The following APTX variants were observed in gnomAD, a reference collection of about 807,000 sequenced individuals.
APTX encodes the protein forkhead-associated domain histidine triad-like protein.
In APTX, 33 loss-of-function variants were observed where a neutral mutation model predicts 42.3. That is an observed-to-expected ratio of 0.78 (90% confidence interval 0.59 to 1.04). APTX has a LOEUF of 1.04. Ranked by LOEUF, APTX falls within the 50% of genes least tolerant of loss-of-function variation. APTX has a pLI of 0.00. For synonymous variants in APTX, 130 were observed against 146.7 expected, an observed-to-expected ratio of 0.89 and a Z score of 0.82; for missense variants, 421 against 415.1, an observed-to-expected ratio of 1.01 and a Z score of -0.12.
chr9:32,989,739 A>G lies in APTX; in HGVS notation c.133+20T>C. On this transcript the variant is annotated intron_variant, in intron 2 of 7. Coordinates refer to ENST00000379817, the MANE Select transcript of APTX (RefSeq NM_001195248.2). Reference sequence around the variant, plus strand: ...ATCCCACATAACCATAGTAATCTCCACATTTCTATGACCAGTTACCTTGCT... The same window carrying G: ...ATCCCACATAACCATAGTAATCTCCGCATTTCTATGACCAGTTACCTTGCT... The G allele has an allele frequency of 6.2e-7, 1 of 1,614,164 alleles. No individual in the cohort carries two copies. Among genetic ancestry groups the G allele is most frequent in the Non-Finnish European group, 8.5e-7 (1 of 1,180,012 alleles).
At chr9:32,986,336 C>T (rs1239730848) in intron 4 of APTX, among the ~76,000 whole-genome samples, 1 of 152,122 alleles carries the variant, frequency 6.6e-6, no homozygotes, top group Non-Finnish European at 1.5e-5. Context: ...GCTGGGATTA[C>T]AGGTGCCCAC....
rs763987865 is a variant in APTX, at chr9:32,974,559, T to C, written c.773A>G (p.His258Arg). 15 of 1,564,056 alleles carry C rather than the reference T, an allele frequency of 9.6e-6. No individual in the cohort carries two copies. Among genetic ancestry groups the C allele is most frequent in the Middle Eastern group, 1.7e-4 (1 of 5,932 alleles). ...CTGGCTGATCACATGAAGATGTACA[T>C]GGCTAGTTGAAAGAAAAAAAAACTG... Reference protein sequence around the residue: ...LGYHAIPSMSHVHLHVISQDF... With the variant: ...LGYHAIPSMSRVHLHVISQDF... The change falls in exon 7 of 8, where the codon CAT becomes CGT. Residue 258 changes from histidine (H) to arginine (R), a missense_variant and splice_region_variant. Transcript: ENST00000379817.
intron 1 of APTX, among the ~76,000 whole-genome samples, chr9:33,017,041 A>G (rs112926520): frequency 3.3e-5 from 5 of 152,364 alleles, no homozygotes; most frequent in African/African-American, 9.6e-5. Context: ...TCCTCTATTC[A>G]TAATACTTTG....
rs397840451 is a variant in APTX, at chr9:33,024,866, G to A, written c.-5+157C>T. The A allele has an allele frequency of 4.6e-5, 4 of 86,996 alleles. No homozygotes were observed. The East Asian group carries it at 1.5e-3, about 32-fold the overall frequency. The allele number at this position is 86,996 out of a possible 1,614,324, so 5.4% of individuals were successfully genotyped here. On this transcript the variant is annotated intron_variant, in intron 1 of 6. Transcript: ENST00000436040. ...AGAGAAGAGGCGCCCGTAAGAGGGG[G>A]GGGGGGGGGGGCAAGACTGTTCCAA...
chr9:32,984,757 G>C lies in APTX; in HGVS notation c.644C>G (p.Ala215Gly). 1 of 1,614,192 alleles carries C rather than the reference G, an allele frequency of 6.2e-7. No individual in the cohort carries two copies. Among genetic ancestry groups the C allele is most frequent in the Non-Finnish European group, 8.5e-7 (1 of 1,180,044 alleles). ...GAGTTCAAGGTGTTCCCTGGCCACA[G>C]CCTTCAGACTGGAAATGGAGGTCCA... The part of the protein sequence containing the change: ...LPWTSISSLK[A>G]VAREHLELLK... Residue 215 changes from alanine to glycine, a missense_variant, in exon 6 of 8, where the codon GCT (alanine) becomes GGT (glycine). By Grantham distance (60) the Ala-to-Gly change is moderately conservative. Transcript: ENST00000379817.
At chr9:32,993,478 G>A (rs537841162) in intron 1 of APTX, among the ~76,000 whole-genome samples, 1 of 152,230 alleles carries the variant, frequency 6.6e-6, no homozygotes, top group African/African-American at 2.4e-5. Context: ...TATATCTGTA[G>A]CACCTAATCT....
chr9:33,000,761 A>C (rs1836169272), intron 1 of APTX, among the ~76,000 whole-genome samples: 1 of 151,380 alleles, frequency 6.6e-6, no homozygotes, highest in African/African-American at 2.4e-5. Context: ...AACCTAGATC[A>C]CAGCAATTCC....
At chr9:32,999,470 G>A (rs1835750548) in intron 1 of APTX, among the ~76,000 whole-genome samples, 1 of 152,200 alleles carries the variant, frequency 6.6e-6, no homozygotes. Flanking sequence ...TACACGACTG[G>A]AAACAGAAAT....
At chr9:33,013,565 G>A (rs1369807896) in intron 1 of APTX, among the ~76,000 whole-genome samples, 1 of 152,204 alleles carries the variant, frequency 6.6e-6, no homozygotes. Context: ...CCAGCACTTT[G>A]GGAGGCCAAG....
intron 4 of APTX, 40 bp from the exon 5 acceptor site, chr9:32,986,070 ACAAGCAATGTAAATT>A: frequency 6.9e-7 from 1 of 1,438,952 alleles, no homozygotes; most frequent in Non-Finnish European, 9.6e-7. Context: ...AAAAAAAAAA[ACAAGCAATGTAAATT>A]ACAAATGCCA....
chr9:32,992,101 C>A (rs957100566), intron 1 of APTX, among the ~76,000 whole-genome samples: 3 of 152,118 alleles, frequency 2.0e-5, no homozygotes, highest in African/African-American at 7.2e-5. Flanking sequence ...GAATTATGGG[C>A]AGAGAGAGAT....
At chr9:33,016,678 C>A (rs374689319) in intron 1 of APTX, among the ~76,000 whole-genome samples, 2 of 151,320 alleles carry the variant, frequency 1.3e-5, no homozygotes, top group African/African-American at 2.4e-5. Context: ...CTCCCCCCCC[C>A]ATTTTTTTAG....
chr9:32,995,843 G>A (rs566020841), intron 1 of APTX, among the ~76,000 whole-genome samples: 9 of 150,056 alleles, frequency 6.0e-5, no homozygotes, highest in South Asian at 4.2e-4. Context: ...AACCGAGATC[G>A]CGCCACTGCA....
chr9:33,017,574 G>T (rs1354325101), intron 1 of APTX, among the ~76,000 whole-genome samples: 3 of 152,144 alleles, frequency 2.0e-5, no homozygotes. Flanking sequence ...TATGAATTCT[G>T]ATAGGACACA....
intron 1 of APTX, among the ~76,000 whole-genome samples, chr9:33,010,775 A>G (rs1488946956): frequency 6.6e-6 from 1 of 152,242 alleles, no homozygotes; most frequent in East Asian, 1.9e-4. Context: ...TGGGTGAGGC[A>G]GATCATAAGA....
upstream of APTX, chr9:33,001,678 C>T (rs1836588703): frequency 3.2e-6 from 5 of 1,581,562 alleles, no homozygotes; most frequent in Admixed American, 3.5e-5. Context: ...ACGTCACCAG[C>T]ACCTCTCTAA....
intron 6 of APTX, among the ~76,000 whole-genome samples, chr9:32,976,852 T>C (rs1004898103): frequency 1.3e-5 from 2 of 152,222 alleles, no homozygotes; most frequent in Admixed American, 6.5e-5. Flanking sequence ...CAGTTACAGA[T>C]GCAAAATAAC....
upstream of APTX, among the ~76,000 whole-genome samples, chr9:33,005,832 G>A (rs981286133): frequency 3.3e-5 from 5 of 152,120 alleles, no homozygotes; most frequent in African/African-American, 1.2e-4. Flanking sequence ...TGAAAAGACT[G>A]CCCTTTCCTC....
chr9:33,019,903 A>G, intron 1 of APTX: 10 of 564,306 alleles, frequency 1.8e-5, no homozygotes, highest in Non-Finnish European at 2.6e-5. Flanking sequence ...ACCCATGGGC[A>G]ATTTCCACCT....
Sources: gnomAD v4.1 joint callset for allele counts (sites outside exome capture counted in the v4.1 genomes callset) on GRCh38, gnomAD v4.1.1 for gene constraint, MANE v1.5 for transcripts, NCBI Gene and HGNC (gene_info 2026-07-23, HGNC 2026-07-21) for gene names.